Variants in UBE3C observed in about 807,000 individuals in gnomAD.
The protein encoded by UBE3C is ubiquitin protein ligase E3C, also known as ubiquitin-protein ligase E3C.
UBE3C carries 42 observed loss-of-function variants against 129.4 expected under a neutral mutation model. The ratio of observed to expected loss-of-function variants is 0.32; its 90% confidence interval spans 0.25 to 0.42. The LOEUF is 0.42. UBE3C is among the 10% of genes least tolerant of loss of function. The pLI is 1.00. For missense variants in UBE3C, 1,049 were observed against 1,319.1 expected, an observed-to-expected ratio of 0.80 and a Z score of 3.17; for synonymous variants, 510 against 492.4, an observed-to-expected ratio of 1.04 and a Z score of -0.47.
chr7:157,216,103 G>C (rs1795559408), intron 13 of UBE3C, among the ~76,000 whole-genome samples: 1 of 152,176 alleles, frequency 6.6e-6, no homozygotes, highest in South Asian at 2.1e-4. Flanking sequence ...GATCAGACTC[G>C]ATTTTTCTGG....
chr7:157,180,444 C>T (rs1808637443), intron 6 of UBE3C, among the ~76,000 whole-genome samples: 2 of 152,146 alleles, frequency 1.3e-5, no homozygotes, highest in Admixed American at 6.5e-5. Flanking sequence ...CTAGGTTAGA[C>T]TTGGGGTAGT....
chr7:157,208,675 A>C (rs1201755051), intron 13 of UBE3C, among the ~76,000 whole-genome samples: 5 of 152,182 alleles, frequency 3.3e-5, no homozygotes, highest in Non-Finnish European at 5.9e-5. Context: ...TTTTAATGCT[A>C]GTTGTATATA....
intron 1 of UBE3C, among the ~76,000 whole-genome samples, chr7:157,150,254 C>G (rs1404432570): frequency 6.6e-6 from 1 of 152,108 alleles, no homozygotes; most frequent in African/African-American, 2.4e-5. Flanking sequence ...TGGCACCCGC[C>G]TGTAATCCCA....
chr7:157,258,909 T>C (rs1351110438), intron 22 of UBE3C, among the ~76,000 whole-genome samples: 1 of 152,250 alleles, frequency 6.6e-6, no homozygotes, highest in Non-Finnish European at 1.5e-5. Flanking sequence ...ACATTTACTT[T>C]ATCATTCTTT....
At chr7:157,264,776 G>A (rs1400093765) in intron 22 of UBE3C, among the ~76,000 whole-genome samples, 2 of 152,132 alleles carry the variant, frequency 1.3e-5, no homozygotes, top group Admixed American at 1.3e-4. Flanking sequence ...TCGCCATGTT[G>A]GTCAGGCTGG....
intron 10 of UBE3C, chr7:157,198,076 A>T: frequency 3.7e-6 from 6 of 1,611,794 alleles, no homozygotes; most frequent in Non-Finnish European, 5.1e-6. Context: ...CTTTTAACAA[A>T]CTCCAGAAAT....
intron 1 of UBE3C, 72 bp downstream of exon 1, chr7:157,139,410 G>GTTGGGA: frequency 1.4e-6 from 2 of 1,421,590 alleles, no homozygotes; most frequent in Non-Finnish European, 1.8e-6. Context: ...GGGACTCGGG[G>GTTGGGA]CTGGACTCGG....
At chr7:157,226,549 A>G (rs542502605) in intron 17 of UBE3C, among the ~76,000 whole-genome samples, 4 of 152,216 alleles carry the variant, frequency 2.6e-5, no homozygotes, top group African/African-American at 4.8e-5. Context: ...GAGTTGTCCA[A>G]TGTGAAATGA....
intron 10 of UBE3C, among the ~76,000 whole-genome samples, chr7:157,194,022 T>C (rs1276695995): frequency 6.6e-6 from 1 of 152,230 alleles, no homozygotes; most frequent in African/African-American, 2.4e-5. Flanking sequence ...TTCAAATAAT[T>C]TTACAAGGTT....
chr7:157,254,029 G>T lies in UBE3C; in HGVS notation c.2770G>T (p.Ala924Ser), dbSNP rs1351205677. The change falls in exon 20 of 23, where the codon GCA becomes TCA. Residue 924 changes from alanine to serine, a missense_variant. Transcript: ENST00000348165. ...ANRIAYIHLV[A>S]DYRLNRQIRQ... The stretch of plus-strand genomic sequence containing the variant: ...CCGGATTGCGTACATCCACTTGGTG[G>T]CAGACTACAGGCTGAACAGGCAGAT... The T allele has an allele frequency of 6.2e-7, 1 of 1,613,336 alleles. No homozygotes were observed. Among genetic ancestry groups the T allele is most frequent in the Non-Finnish European group, 8.5e-7 (1 of 1,179,742 alleles).
Position 157,267,569 on chromosome 7 carries a change from A to C in UBE3C, c.3082-16A>C. 1 of 1,612,584 alleles carries C rather than the reference A, an allele frequency of 6.2e-7. No homozygotes were observed. Among genetic ancestry groups the C allele is most frequent in the South Asian group, 1.1e-5 (1 of 90,700 alleles). On this transcript the variant is annotated splice_polypyrimidine_tract_variant and intron_variant, in intron 22 of 22. Coordinates refer to ENST00000348165, the MANE Select transcript of UBE3C (RefSeq NM_014671.3). ...TGCTTGTTACAGTGACATCTTGCAC[A>C]CATGCTGTTTTTCAGGAGTTGTATC... is the stretch of plus-strand genomic sequence containing the variant.
chr7:157,248,295 T>C, intron 18 of UBE3C, 73 bp from the exon 19 acceptor site: 3 of 1,356,440 alleles, frequency 2.2e-6, no homozygotes, highest in Non-Finnish European at 3.1e-6. Flanking sequence ...TAATATCAAG[T>C]TGAGCATATG....
intron 4 of UBE3C, among the ~76,000 whole-genome samples, chr7:157,173,978 T>TA (rs1236640794): frequency 6.6e-6 from 1 of 152,236 alleles, no homozygotes; most frequent in Non-Finnish European, 1.5e-5. Context: ...TAATAACGTT[T>TA]TATGGCAAAG....
intron 18 of UBE3C, among the ~76,000 whole-genome samples, chr7:157,239,015 G>A (rs989314496): frequency 1.1e-4 from 16 of 152,154 alleles, no homozygotes; most frequent in African/African-American, 3.9e-4. Flanking sequence ...TGATTTCTGT[G>A]GCGTGGTGAA....
chr7:157,242,425 G>C (rs1030336958), intron 18 of UBE3C, among the ~76,000 whole-genome samples: 1 of 151,518 alleles, frequency 6.6e-6, no homozygotes, highest in Admixed American at 6.6e-5. Flanking sequence ...TATGGCAAAA[G>C]TAGAATTTTG....
intron 1 of UBE3C, among the ~76,000 whole-genome samples, chr7:157,139,743 T>A (rs1472166141): frequency 6.6e-6 from 1 of 152,220 alleles, no homozygotes; most frequent in African/African-American, 2.4e-5. Flanking sequence ...CCTTTCTGGG[T>A]GTTTCCTTTC....
At chr7:157,224,855 T>A (rs1795835530) in intron 16 of UBE3C, among the ~76,000 whole-genome samples, 1 of 151,936 alleles carries the variant, frequency 6.6e-6, no homozygotes, top group Non-Finnish European at 1.5e-5. Flanking sequence ...CTGAGCTCCC[T>A]CTACTGGATT....
chr7:157,249,175 A>G (rs1268593337), intron 19 of UBE3C, among the ~76,000 whole-genome samples: 1 of 152,130 alleles, frequency 6.6e-6, no homozygotes, highest in East Asian at 1.9e-4. Context: ...TGCAGCCATC[A>G]TCACCCTAGC....
At chr7:157,232,324 A>G (rs1796042970) in intron 18 of UBE3C, among the ~76,000 whole-genome samples, 1 of 152,160 alleles carries the variant, frequency 6.6e-6, no homozygotes, top group Non-Finnish European at 1.5e-5. Context: ...TGACATTTAT[A>G]AAGTTGAGTA....
Sources: gnomAD v4.1 joint callset for allele counts (sites outside exome capture counted in the v4.1 genomes callset) on GRCh38, gnomAD v4.1.1 for gene constraint, MANE v1.5 for transcripts, NCBI Gene and HGNC (gene_info 2026-07-23, HGNC 2026-07-21) for gene names.